The following XXYLT1 variants were observed in gnomAD, a reference collection of about 807,000 sequenced individuals.
XXYLT1 encodes UDP-xylose:alpha-xyloside alpha-1,3-xylosyltransferase.
A neutral mutation model predicts 28.9 loss-of-function variants in XXYLT1; 20 were observed. The observed-to-expected ratio is 0.69, with a 90% CI of 0.49 to 1.00. XXYLT1 has a LOEUF of 1.00. Among genes scored for constraint, XXYLT1 ranks in the 50% least tolerant of loss-of-function variants. The pLI, the probability that XXYLT1 is intolerant of heterozygous loss-of-function variation, is 0.00. For synonymous variants in XXYLT1, 257 were observed against 253.8 expected, an observed-to-expected ratio of 1.01 and a Z score of -0.12; for missense variants, 542 against 560.1, an observed-to-expected ratio of 0.97 and a Z score of 0.33.
In XXYLT1 at chr3:195,204,472, TCTCA is replaced by T. The variant is rs997765722; in HGVS notation, c.652+22233_652+22236del. On this transcript the variant is annotated intron_variant, in intron 2 of 3. Coordinates refer to ENST00000310380, the MANE Select transcript of XXYLT1 (RefSeq NM_152531.5). ...CACACGCACACACACACACTCACTCTCTCACTCTCTCTCTCTCTCTCTCTCTCTC... is the reference window on the plus strand; with the variant it reads ...CACACGCACACACACACACTCACTCTCTCTCTCTCTCTCTCTCTCTCTCTC... Among the ~76,000 whole-genome samples, 8 of 140,064 alleles carry T rather than the reference TCTCA, an allele frequency of 5.7e-5. No homozygotes were observed. The East Asian group carries it at 1.2e-3, about 21-fold the overall frequency. The allele number at this position is 140,064 out of a possible 152,430, so 91.9% of individuals were successfully genotyped here. A position where few individuals can be genotyped will look rare whatever the true frequency, so the allele number is the denominator to read the frequency against.
At chr3:195,080,839 G>T (rs1715393614) in intron 3 of XXYLT1, among the ~76,000 whole-genome samples, 1 of 152,228 alleles carries the variant, frequency 6.6e-6, no homozygotes, top group Non-Finnish European at 1.5e-5. Context: ...GGAGCCAGAG[G>T]TGGCAGAGAC....
intron 2 of XXYLT1, among the ~76,000 whole-genome samples, chr3:195,204,504 T>TCTCTCG (rs1722991863): frequency 6.6e-6 from 1 of 151,126 alleles, no homozygotes; most frequent in African/African-American, 2.4e-5. Context: ...TCTCTCTCTC[T>TCTCTCG]CAGTGGCATC....
chr3:195,155,996 T>C (rs1720569552), intron 3 of XXYLT1, among the ~76,000 whole-genome samples: 1 of 152,238 alleles, frequency 6.6e-6, no homozygotes, highest in Non-Finnish European at 1.5e-5. Flanking sequence ...TTCTTCGTGC[T>C]GACTACTGAT....
At chr3:195,080,221 T>C (rs943842036) in intron 3 of XXYLT1, among the ~76,000 whole-genome samples, 8 of 152,116 alleles carry the variant, frequency 5.3e-5, no homozygotes, top group African/African-American at 1.7e-4. Context: ...AAGTGCTCAG[T>C]GTGACAAAGA....
intron 3 of XXYLT1, among the ~76,000 whole-genome samples, chr3:195,125,237 G>A (rs1274891065): frequency 1.3e-5 from 2 of 152,258 alleles, no homozygotes; most frequent in Non-Finnish European, 2.9e-5. Flanking sequence ...CCGACAGGGA[G>A]CTGAACTGAT....
rs968606954 is a variant in XXYLT1, at chr3:195,124,159, G to A, written c.785+32290C>T. ...ATTGGTGTTCCATGGAACTCACCTC[G>A]AGAAGTGTGGGTCTAGACCACAGCC... On this transcript the variant is annotated intron_variant, in intron 3 of 3. Transcript: ENST00000310380. This position sits in a 1 kb window ranked among gnomAD's most constrained non-coding sequence, Gnocchi z 4.1. 3.9e-5 allele frequency among the ~76,000 whole-genome samples: 6 copies of A among 152,212 alleles called. No individual in the cohort carries two copies. The highest frequency in any genetic ancestry group is 2.1e-4 in the South Asian group (1 of 4,826).
In XXYLT1 at chr3:195,234,475, T is replaced by C. The variant is rs147763876; in HGVS notation, c.505-7619A>G. On this transcript the variant is annotated intron_variant, in intron 1 of 3. Coordinates refer to ENST00000310380, the MANE Select transcript of XXYLT1 (RefSeq NM_152531.5). ...CTGGGATTACAGGCGTCTGCCACCA[T>C]GCCTGGCTAATTTTTATATTTTTAG... 7.2e-3 allele frequency among the ~76,000 whole-genome samples: 1,093 copies of C among 151,736 alleles called. 14 individuals are homozygous for C. Among genetic ancestry groups the C allele is most frequent in the African/African-American group, 0.026 (1,058 of 41,324 alleles).
intron 2 of XXYLT1, among the ~76,000 whole-genome samples, chr3:195,226,036 T>C (rs533225182): frequency 6.6e-6 from 1 of 152,238 alleles, no homozygotes; most frequent in South Asian, 2.1e-4. Context: ...CTGGTCAATA[T>C]CCAGGGCTCC....
chr3:195,157,342 T>C (rs1720655194), intron 2 of XXYLT1, among the ~76,000 whole-genome samples: 1 of 151,212 alleles, frequency 6.6e-6, no homozygotes, highest in South Asian at 2.1e-4. Context: ...GTAAAAAACA[T>C]TATGGTCTCA....
Position 195,221,169 on chromosome 3 carries a change from C to T in XXYLT1, c.652+5540G>A, listed in dbSNP as rs969796595. On this transcript the variant is annotated intron_variant, in intron 2 of 3. Transcript: ENST00000310380. ...GGAAACACTCTATAAAACAGCTGAC[C>T]GGTATTTCTCAAAACTGTCAAGGTC... Among the ~76,000 whole-genome samples, 4 of 152,254 alleles carry T rather than the reference C, an allele frequency of 2.6e-5. No homozygotes were observed. The South Asian group carries it at 6.2e-4, about 24-fold the overall frequency.
intron 3 of XXYLT1, chr3:195,146,583 C>G (rs1309019813): frequency 6.6e-6 from 1 of 152,254 alleles, no homozygotes; most frequent in Non-Finnish European, 1.5e-5. Context: ...TGGTCTATCC[C>G]AAGAGCACTC....
At chr3:195,143,863 TAG>T (rs1424101513) in intron 3 of XXYLT1, among the ~76,000 whole-genome samples, 1,357 of 98,116 alleles carry the variant, frequency 0.014, 84 homozygotes, top group East Asian at 0.13. Flanking sequence ...TAGATATATA[TAG>T]ATATAGATAT....
intron 3 of XXYLT1, among the ~76,000 whole-genome samples, chr3:195,119,270 C>A (rs1171461703): frequency 7.5e-6 from 1 of 133,832 alleles, no homozygotes; most frequent in South Asian, 2.3e-4. Context: ...GGAGACACAG[C>A]GAGACTCCAT....
intron 1 of XXYLT1, chr3:195,270,274 G>A: frequency 3.1e-6 from 2 of 639,338 alleles, no homozygotes; most frequent in South Asian, 4.3e-5. Flanking sequence ...GCAAAATGGG[G>A]GCGCGCGGAC....
intron 1 of XXYLT1, among the ~76,000 whole-genome samples, chr3:195,227,198 G>A (rs1478115970): frequency 6.6e-6 from 1 of 152,144 alleles, no homozygotes; most frequent in East Asian, 1.9e-4. Context: ...CCCCCCTGAA[G>A]GTAGCTCTGT....
intron 3 of XXYLT1, among the ~76,000 whole-genome samples, chr3:195,125,317 A>G (rs558858710): frequency 4.5e-4 from 69 of 152,380 alleles, no homozygotes; most frequent in African/African-American, 1.6e-3. Flanking sequence ...CAGTCCTAAA[A>G]GTGGGGGAAG....
At chr3:195,190,323 C>T (rs1266869529) in intron 2 of XXYLT1, among the ~76,000 whole-genome samples, 1 of 151,656 alleles carries the variant, frequency 6.6e-6, no homozygotes, top group African/African-American at 2.4e-5. Flanking sequence ...GGTAAAACCC[C>T]ACCTCTACCA....
At position 195,257,158 on chromosome 3, in the gene XXYLT1, G is replaced by C. The variant is rs890798643; in HGVS notation, c.504+13397C>G. Reference sequence around the variant, plus strand: ...TGTCCCGCAAGTCTGAGCAGCATGTGCACAGGACATCTGACGGGCATCGGT... The same window carrying C: ...TGTCCCGCAAGTCTGAGCAGCATGTCCACAGGACATCTGACGGGCATCGGT... On this transcript the variant is annotated intron_variant, in intron 1 of 3. Transcript: ENST00000310380. This position sits in a 1 kb window ranked among gnomAD's most constrained non-coding sequence, Gnocchi z 4.3. Among the ~76,000 whole-genome samples, 2 of 152,198 alleles carry C rather than the reference G, an allele frequency of 1.3e-5. No individual in the cohort carries two copies. Among genetic ancestry groups the C allele is most frequent in the African/African-American group, 4.8e-5 (2 of 41,444 alleles).
intron 3 of XXYLT1, among the ~76,000 whole-genome samples, chr3:195,107,187 G>C (rs1049620894): frequency 4.6e-5 from 7 of 152,180 alleles, no homozygotes; most frequent in Non-Finnish European, 8.8e-5. Flanking sequence ...AAAAAGAAGA[G>C]AGGTGGCCGG....
Sources: gnomAD v4.1 joint callset for allele counts (sites outside exome capture counted in the v4.1 genomes callset) on GRCh38, gnomAD v4.1.1 for gene constraint, Gnocchi (gnomAD v3.1) non-coding constraint, MANE v1.5 for transcripts, NCBI Gene and HGNC (gene_info 2026-07-23, HGNC 2026-07-21) for gene names.